CARS2: variants seen among roughly 807,000 people sequenced by gnomAD.
CARS2 encodes cysteinyl-tRNA synthetase 2, mitochondrial.
In CARS2, 52 loss-of-function variants were observed where a neutral mutation model predicts 68.8. The observed-to-expected ratio is 0.76, with a 90% CI of 0.61 to 0.95. The LOEUF (loss-of-function observed/expected upper bound fraction) is 0.95, where lower values mean the gene tolerates loss of function less well. Among genes scored for constraint, CARS2 ranks in the 40% least tolerant of loss-of-function variants. CARS2 has a pLI of 0.00. For synonymous variants in CARS2, 314 were observed against 303.6 expected (o/e 1.03, Z -0.36); for missense variants, 780 against 754.2 (o/e 1.03, Z -0.40).
chr13:110,711,302 C>A (rs953841821), upstream of CARS2, among the ~76,000 whole-genome samples: 12 of 152,116 alleles, frequency 7.9e-5, no homozygotes, highest in African/African-American at 2.7e-4. Context: ...CTGCAACCTC[C>A]CCTCCTAGGT....
chr13:110,657,769 G>A (rs1439825010), intron 9 of CARS2, among the ~76,000 whole-genome samples: 2 of 152,188 alleles, frequency 1.3e-5, no homozygotes, highest in African/African-American at 2.4e-5. Flanking sequence ...CATGCAGCAT[G>A]CCACCTCTCA....
intron 9 of CARS2, among the ~76,000 whole-genome samples, chr13:110,661,059 C>T (rs766747060): frequency 7.9e-5 from 12 of 152,168 alleles, no homozygotes; most frequent in South Asian, 2.1e-4. Context: ...TGCACCCAGC[C>T]GATTTAGGGT....
intron 1 of CARS2, among the ~76,000 whole-genome samples, chr13:110,712,038 T>A (rs897844551): frequency 6.6e-6 from 1 of 152,212 alleles, no homozygotes; most frequent in African/African-American, 2.4e-5. Flanking sequence ...TCAACTGCAA[T>A]TATTTTGTGT....
chr13:110,712,058 T>G (rs980347066), intron 1 of CARS2, among the ~76,000 whole-genome samples: 58 of 152,242 alleles, frequency 3.8e-4, no homozygotes. Context: ...TCTAAAACTG[T>G]GTACTCTGCT....
At chr13:110,641,725 C>A (rs559278378) in intron 14 of CARS2, 117 bp from the exon 15 acceptor site, 3 of 834,180 alleles carry the variant, frequency 3.6e-6, no homozygotes, top group Non-Finnish European at 6.1e-6. Flanking sequence ...TCCTAAAAAG[C>A]TTGCCAGGCG....
chr13:110,645,961 A>G lies in CARS2; in HGVS notation c.1317+6T>C. On this transcript the variant is annotated splice_donor_region_variant and intron_variant, in intron 12 of 14. Coordinates refer to ENST00000257347, the MANE Select transcript of CARS2 (RefSeq NM_024537.4). Reference sequence around the variant, plus strand: ...GGACCGCAAGGCCACCTGTTCGTTGAGCTACCTTCAGGGACGCCCTGAGCT... The same window carrying G: ...GGACCGCAAGGCCACCTGTTCGTTGGGCTACCTTCAGGGACGCCCTGAGCT... The G allele has an allele frequency of 6.2e-7, 1 of 1,610,858 alleles. No homozygotes were observed. Among genetic ancestry groups the G allele is most frequent in the Non-Finnish European group, 8.5e-7 (1 of 1,178,626 alleles).
intron 1 of CARS2, among the ~76,000 whole-genome samples, chr13:110,711,539 C>G (rs889629834): frequency 6.6e-6 from 1 of 152,170 alleles, no homozygotes; most frequent in African/African-American, 2.4e-5. Flanking sequence ...TTGTGCAGAC[C>G]AAGTAGTGGC....
intron 10 of CARS2, chr13:110,648,243 G>A (rs981223765): frequency 4.6e-5 from 7 of 152,140 alleles, no homozygotes; most frequent in Admixed American, 1.3e-4. Flanking sequence ...CCCACAAAGC[G>A]ATCTGACAAA....
intron 3 of CARS2, 22 bp downstream of exon 3, chr13:110,701,416 G>T: frequency 9.6e-7 from 1 of 1,042,132 alleles, no homozygotes; most frequent in Non-Finnish European, 1.5e-6. Context: ...ATTATCAATA[G>T]ATGTAACTCT....
intron 7 of CARS2, among the ~76,000 whole-genome samples, chr13:110,675,529 T>A (rs562646769): frequency 6.6e-6 from 1 of 151,642 alleles, no homozygotes; most frequent in South Asian, 2.1e-4. Context: ...GGACACAGGG[T>A]GGGGAACATC....
At chr13:110,677,354 C>T (rs1219603270) in intron 6 of CARS2, among the ~76,000 whole-genome samples, 2 of 88,854 alleles carry the variant, frequency 2.3e-5, no homozygotes, top group African/African-American at 4.3e-5. Flanking sequence ...CCCAGTCACC[C>T]CCACCACGGA....
chr13:110,651,797 T>C (rs894693124), intron 9 of CARS2, among the ~76,000 whole-genome samples: 2 of 152,224 alleles, frequency 1.3e-5, no homozygotes, highest in Non-Finnish European at 2.9e-5. Context: ...TTAGAGGCAC[T>C]GCAAAAGCAG....
At position 110,642,343 on chromosome 13, in the gene CARS2, C is replaced by A; in HGVS notation, c.1595G>T (p.Gly532Val). ...GATGTTGATGCCGTGGGCAGTCAGG[C>A]CCCGGCGCAGGGTGTCGCATGCTTC... The part of the protein sequence containing the change: ...LLEACDTLRR[G>V]LTAHGINIKD... Residue 532 changes from glycine to valine, a missense_variant, in exon 14 of 15, where the codon GGC (glycine) becomes GTC (valine). By Grantham distance (109) the Gly-to-Val change is moderately radical. Coordinates refer to ENST00000257347, the MANE Select transcript of CARS2 (RefSeq NM_024537.4). 2 of 1,551,204 alleles carry A rather than the reference C, an allele frequency of 1.3e-6. No individual in the cohort carries two copies. The highest frequency in any genetic ancestry group is 2.4e-5 in the South Asian group (2 of 84,102).
chr13:110,686,242 CTTTTT>C (rs60668690), intron 5 of CARS2, among the ~76,000 whole-genome samples: 8 of 136,242 alleles, frequency 5.9e-5, no homozygotes, highest in South Asian at 2.3e-4. Flanking sequence ...GCAACTCACG[CTTTTT>C]TTTTTTTTTT....
chr13:110,658,594 TAAAAATAA>T (rs2062428802), intron 9 of CARS2, among the ~76,000 whole-genome samples: 1 of 152,288 alleles, frequency 6.6e-6, no homozygotes, highest in South Asian at 2.1e-4. Context: ...ACTCCTCGTT[TAAAAATAA>T]AAGTATAAAA....
At position 110,701,457 on chromosome 13, in the gene CARS2, AT is replaced by A; in HGVS notation, c.373del (p.Ile125SerfsTer8). 1 of 1,514,082 alleles carries A rather than the reference AT, an allele frequency of 6.6e-7. No homozygotes were observed. The highest frequency in any genetic ancestry group is 9.2e-7 in the Non-Finnish European group (1 of 1,088,726). The allele number at this position is 1,514,082 out of a possible 1,614,324, so 93.8% of individuals were successfully genotyped here. A position where few individuals can be genotyped will look rare whatever the true frequency, so the allele number is the denominator to read the frequency against. ...VMGITDVDDK[I>X]IKRANEMNIS... Reference sequence around the variant, plus strand: ...ACTTACCTCATTGGCTCTTTTGATGATTTTATCATCTACATCTGTAATACCC... The same window carrying A: ...ACTTACCTCATTGGCTCTTTTGATGATTTATCATCTACATCTGTAATACCC... On this transcript the variant is annotated frameshift_variant, in exon 3 of 15. Coordinates refer to ENST00000257347, the MANE Select transcript of CARS2 (RefSeq NM_024537.4). LOFTEE classifies it high-confidence loss of function.
intron 5 of CARS2, among the ~76,000 whole-genome samples, chr13:110,684,615 T>A (rs2063245209): frequency 6.8e-6 from 1 of 147,118 alleles, no homozygotes; most frequent in Non-Finnish European, 1.5e-5. Flanking sequence ...CCCTGCCCTG[T>A]CCCTGCAGCG....
Position 110,644,277 on chromosome 13 carries a change from T to C in CARS2, c.1416+108A>G. 4 of 1,334,634 alleles carry C rather than the reference T, an allele frequency of 3.0e-6. No homozygotes were observed. In the South Asian group the frequency reaches 4.9e-5, roughly 16 times the overall value. The allele number at this position is 1,334,634 out of a possible 1,614,324, so 82.7% of individuals were successfully genotyped here. On this transcript the variant is annotated intron_variant, in intron 13 of 14. Transcript: ENST00000257347. ...AGTAACATGTTTTTAAACAGGTAAA[T>C]ACATTAGTGTGGCATCATAATGCTC...
chr13:110,663,568 T>C, intron 8 of CARS2, 50 bp from the exon 9 acceptor site: 1 of 1,602,994 alleles, frequency 6.2e-7, no homozygotes, highest in Non-Finnish European at 8.5e-7. Context: ...GGAGACTCTC[T>C]GGCCTCAGGG....
Sources: gnomAD v4.1 joint callset for allele counts (sites outside exome capture counted in the v4.1 genomes callset) on GRCh38, gnomAD v4.1.1 for gene constraint, MANE v1.5 for transcripts, NCBI Gene and HGNC (gene_info 2026-07-23, HGNC 2026-07-21) for gene names.